The following ZBTB1 variants were observed in gnomAD, a reference collection of about 807,000 sequenced individuals.
The protein encoded by ZBTB1 is zinc finger and BTB domain containing 1.
A neutral mutation model predicts 51.6 loss-of-function variants in ZBTB1; 13 were observed. The ratio of observed to expected loss-of-function variants is 0.25; its 90% CI spans 0.16 to 0.40. ZBTB1 has a LOEUF of 0.40. Ranked by LOEUF, ZBTB1 falls within the 10% of genes least tolerant of loss-of-function variation. The pLI, the probability that ZBTB1 is intolerant of heterozygous loss-of-function variation, is 1.00. For missense variants in ZBTB1, 567 were observed against 856.5 expected (o/e 0.66, Z 4.22); for synonymous variants, 240 against 282.2 (o/e 0.85, Z 1.50).
chr14:64,517,781 A>ATATATATATATATTTTTTTT (rs1160337478), intron 1 of ZBTB1, among the ~76,000 whole-genome samples: 1 of 41,562 alleles, frequency 2.4e-5, no homozygotes. Flanking sequence ...ATATATATAT[A>ATATATATATATATTTTTTTT]TTTTTTTTTT....
In ZBTB1 at chr14:64,532,033, G is replaced by C. The variant is rs772353721; in HGVS notation, c.*136G>C. 6.2e-5 allele frequency: 65 copies of C among 1,049,088 alleles called. 1 individual carries two copies. In the South Asian group the frequency reaches 1.1e-3, roughly 18 times the overall value. The allele number at this position is 1,049,088 out of a possible 1,614,324, so 65.0% of individuals were successfully genotyped here. A position where few individuals can be genotyped will look rare whatever the true frequency, so the allele number is the denominator to read the frequency against. ...TGACAAACTTCCATCAACCCAAAAA[G>C]TTCCAGTTGCAAAGATCCAAGAAAA... On this transcript the variant is annotated 3_prime_UTR_variant, in exon 3 of 3. Coordinates refer to the ZBTB1 transcript ENST00000358738.
intron 1 of ZBTB1, among the ~76,000 whole-genome samples, chr14:64,515,814 C>T (rs113729868): frequency 0.025 from 3,787 of 152,212 alleles, 53 homozygotes; most frequent in Middle Eastern, 0.054. Flanking sequence ...CCACGGTGCC[C>T]GGCCTCAAAA....
At chr14:64,509,065 G>A (rs1359347847) in intron 1 of ZBTB1, among the ~76,000 whole-genome samples, 2 of 152,188 alleles carry the variant, frequency 1.3e-5, no homozygotes, top group Non-Finnish European at 2.9e-5. Context: ...CTCACCCTAA[G>A]ATCAGAAAAA....
At position 64,521,929 on chromosome 14, in the gene ZBTB1, T is replaced by C; in HGVS notation, c.425T>C (p.Val142Ala). The C allele has an allele frequency of 6.2e-7, 1 of 1,614,086 alleles. No homozygotes were observed. The stretch of plus-strand genomic sequence containing the variant: ...CAGAACAGCAAAATGATATTTGGGG[T>C]AAGAATGTATGAAGATACTGTGGCT... ...SKQNSKMIFG[V>A]RMYEDTVARN... The change falls in exon 2 of 2, where the codon GTA (valine) becomes GCA (alanine). Residue 142 changes from valine (V) to alanine (A), a missense_variant. This residue lies in a region of ZBTB1 where 74 missense variants were observed against 74.9 expected (regional missense o/e 0.99). Transcript: ENST00000683701.
intron 1 of ZBTB1, among the ~76,000 whole-genome samples, chr14:64,520,040 C>T (rs1351422794): frequency 6.6e-6 from 1 of 152,158 alleles, no homozygotes; most frequent in African/African-American, 2.4e-5. Flanking sequence ...CTCGCTCTGT[C>T]GCCCAGGCTG....
rs2079880311 is a variant in ZBTB1 at position 64,523,593 on chromosome 14, T to G, written c.2089T>G (p.Leu697Val). Residue 697 changes from leucine (L) to valine (V), a missense_variant, in exon 2 of 2, where the codon TTG (leucine) becomes GTG (valine). Coordinates refer to ENST00000683701, the MANE Select transcript of ZBTB1 (RefSeq NM_001123329.2). This position sits in a 1 kb window ranked among gnomAD's most constrained non-coding sequence, Gnocchi z 4.5. ...TCGICGAKFN[L>V]RKDMRSHYNA... The stretch of plus-strand genomic sequence containing the variant: ...TGGAATATGTGGAGCAAAATTTAAT[T>G]TGAGGAAAGATATGAGATCACATTA... 2 of 1,552,728 alleles carry G rather than the reference T, an allele frequency of 1.3e-6. No homozygotes were observed. Among genetic ancestry groups the G allele is most frequent in the Non-Finnish European group, 1.7e-6 (2 of 1,147,396 alleles).
At chr14:64,505,147 G>A (rs2079625841) in intron 1 of ZBTB1, 2 of 339,098 alleles carry the variant, frequency 5.9e-6, no homozygotes, top group Admixed American at 9.7e-5. Flanking sequence ...GGTCCCGGGC[G>A]TGCGGCCTCC....
Position 64,523,215 on chromosome 14 carries a change from G to C in ZBTB1, c.1711G>C (p.Glu571Gln), listed in dbSNP as rs1056236881. Residue 571 changes from glutamate to glutamine, a missense_variant, in exon 2 of 2, where the codon GAA (glutamate) becomes CAA (glutamine). Glu to Gln is a conservative substitution (Grantham distance 29). This residue lies in a region of ZBTB1 where 329 missense variants were observed against 406.3 expected (regional missense o/e 0.81). Transcript: ENST00000683701. This position sits in a 1 kb window ranked among gnomAD's most constrained non-coding sequence, Gnocchi z 4.5. ...TAAGAGTGCCATCATGGAAGAAAAT[G>C]AAAGAGATCACAGACGAAAGCATTT... ...MFKSAIMEEN[E>Q]RDHRRKHFCN... 6.2e-7 allele frequency: 1 copy of C among 1,614,172 alleles called. No individual in the cohort carries two copies. Among genetic ancestry groups the C allele is most frequent in the South Asian group, 1.1e-5 (1 of 91,074 alleles).
At chr14:64,527,565 C>T (rs977198875), downstream of ZBTB1, among the ~76,000 whole-genome samples, 1 of 151,882 alleles carries the variant, frequency 6.6e-6, no homozygotes, top group Non-Finnish European at 1.5e-5. Flanking sequence ...GAGCCAAGAT[C>T]ACACCACTGC....
chr14:64,507,185 T>G (rs1230682668), intron 1 of ZBTB1, among the ~76,000 whole-genome samples: 3 of 152,162 alleles, frequency 2.0e-5, no homozygotes, highest in Non-Finnish European at 4.4e-5. Context: ...ATCTGTTGTC[T>G]TCCCAAAAAA....
At chr14:64,510,525 C>T (rs73267741) in intron 1 of ZBTB1, among the ~76,000 whole-genome samples, 4,364 of 152,182 alleles carry the variant, frequency 0.029, 191 homozygotes, top group African/African-American at 0.1. Flanking sequence ...TAAATGATAT[C>T]TGGGAGGTTC....
intron 1 of ZBTB1, among the ~76,000 whole-genome samples, chr14:64,517,361 T>C (rs2079797264): frequency 6.6e-6 from 1 of 152,318 alleles, no homozygotes; most frequent in South Asian, 2.1e-4. Context: ...TTTTCACTTA[T>C]TATACTGTCC....
At position 64,524,620 on chromosome 14, in the gene ZBTB1, TAATAA is replaced by T. The variant is rs779592955; in HGVS notation, c.*981_*985del. 2.6e-4 allele frequency: 258 copies of T among 982,008 alleles called. 1 individual carries two copies. The highest frequency in any genetic ancestry group is 3.0e-4 in the Non-Finnish European group (244 of 826,988). 60.8% of individuals were successfully genotyped at this position (982,008 alleles called of 1,614,324 possible). On this transcript the variant is annotated 3_prime_UTR_variant, in exon 2 of 2. Transcript: ENST00000683701. ...AAGCTTCCATGTATATTGATAAATC[TAATAA>T]AATAAAGAGATCAATTATAAACCTG... is the stretch of plus-strand genomic sequence containing the variant.
chr14:64,519,453 A>T (rs2140153979), intron 1 of ZBTB1, among the ~76,000 whole-genome samples: 1 of 138,198 alleles, frequency 7.2e-6, no homozygotes, highest in Non-Finnish European at 1.6e-5. Context: ...TTTTTCTTTT[A>T]ACAATTAAAA....
chr14:64,504,091 G>C (rs1033056346), upstream of ZBTB1: 8 of 152,500 alleles, frequency 5.2e-5, no homozygotes, highest in South Asian at 1.7e-3. Context: ...CTGGGGTGAA[G>C]GTGGGGGTGG....
downstream of ZBTB1, among the ~76,000 whole-genome samples, chr14:64,528,055 G>A (rs1281906617): frequency 1.3e-5 from 2 of 152,110 alleles, no homozygotes; most frequent in African/African-American, 2.4e-5. Context: ...AGAAGCTGGT[G>A]GTGGTTGACA....
intron 1 of ZBTB1, among the ~76,000 whole-genome samples, chr14:64,515,652 C>T (rs1274349876): frequency 6.6e-6 from 1 of 151,886 alleles, no homozygotes; most frequent in Non-Finnish European, 1.5e-5. Context: ...TCCCAAGTAG[C>T]TGGGAATACA....
At chr14:64,531,071 A>T (rs1435123070) in intron 2 of ZBTB1, among the ~76,000 whole-genome samples, 1 of 152,218 alleles carries the variant, frequency 6.6e-6, no homozygotes, top group African/African-American at 2.4e-5. Context: ...ACAGTTAATT[A>T]TACAGCTTAA....
downstream of ZBTB1, among the ~76,000 whole-genome samples, chr14:64,525,490 G>T (rs2079897240): frequency 6.6e-6 from 1 of 152,112 alleles, no homozygotes; most frequent in Non-Finnish European, 1.5e-5. Flanking sequence ...TCAGAGAGTG[G>T]TATAAAGAGA....
Sources: gnomAD v4.1 joint callset for allele counts (sites outside exome capture counted in the v4.1 genomes callset) on GRCh38, gnomAD v4.1.1 for gene constraint, gnomAD v4.1.1 regional missense constraint, Gnocchi (gnomAD v3.1) non-coding constraint, MANE v1.5 for transcripts, NCBI Gene and HGNC (gene_info 2026-07-23, HGNC 2026-07-21) for gene names.